TMOD1: variants seen among roughly 807,000 people sequenced by gnomAD.
The protein encoded by TMOD1 is tropomodulin 1.
In TMOD1, 17 loss-of-function variants were observed where a neutral mutation model predicts 40.6. That is an observed-to-expected ratio of 0.42 (90% CI 0.29 to 0.63). The LOEUF is 0.63. TMOD1 is among the 20% of genes least tolerant of loss of function. The probability of loss-of-function intolerance (pLI) is 0.22; values close to 1 mark genes in which losing one functional copy is unlikely to be tolerated. For synonymous variants in TMOD1, 181 were observed against 175.0 expected (o/e 1.03, Z -0.27); for missense variants, 391 against 447.6 (o/e 0.87, Z 1.14).
intron 9 of TMOD1, among the ~76,000 whole-genome samples, chr9:97,593,736 G>A (rs1033244645): frequency 1.3e-5 from 2 of 152,220 alleles, no homozygotes; most frequent in East Asian, 3.9e-4. Flanking sequence ...TGCTGGTTGG[G>A]GATGGGGCTT....
At chr9:97,595,531 T>G (rs1439923955) in intron 9 of TMOD1, among the ~76,000 whole-genome samples, 3 of 144,362 alleles carry the variant, frequency 2.1e-5, no homozygotes, top group South Asian at 2.2e-4. Context: ...TGAACAAATT[T>G]CCTTTTTTTT....
rs988858127 is a variant in TMOD1 at position 97,600,079 on chromosome 9, A to T, written c.*381A>T. On this transcript the variant is annotated 3_prime_UTR_variant, in exon 10 of 10. Coordinates refer to ENST00000259365, the MANE Select transcript of TMOD1 (RefSeq NM_003275.4). ...ACACAGAAACGGCACACTCTTCCAC[A>T]TGCTTTTGAAGTATTATAAAACACT... 9.7e-7 allele frequency: 1 copy of T among 1,035,222 alleles called. No individual in the cohort carries two copies. Among genetic ancestry groups the T allele is most frequent in the Non-Finnish European group, 1.2e-6 (1 of 857,684 alleles). 64.1% of individuals were successfully genotyped at this position (1,035,222 alleles called of 1,614,324 possible). A position where few individuals can be genotyped will look rare whatever the true frequency, so the allele number is the denominator to read the frequency against.
intron 9 of TMOD1, among the ~76,000 whole-genome samples, chr9:97,598,598 T>C (rs993994181): frequency 3.9e-5 from 6 of 152,170 alleles, no homozygotes; most frequent in Non-Finnish European, 7.3e-5. Context: ...TGGGTTTTGG[T>C]TTTTGTCCCC....
chr9:97,565,923 G>A lies in TMOD1; in HGVS notation c.694G>A (p.Val232Met), dbSNP rs149375557. Residue 232 changes from valine to methionine, a missense_variant, in exon 7 of 10, where the codon GTG becomes ATG. Val to Met is a conservative substitution (Grantham distance 21, BLOSUM62 1). Transcript: ENST00000259365. ...ENSYVKKFSI[V>M]GTRSNDPVAY... ...CTCATATGTGAAGAAGTTCAGCATC[G>A]TGGGGACACGGAGTAATGACCCCGT... 13 of 1,614,120 alleles carry A rather than the reference G, an allele frequency of 8.1e-6. No homozygotes were observed. Among genetic ancestry groups the A allele is most frequent in the Middle Eastern group, 1.6e-4 (1 of 6,084 alleles).
intron 8 of TMOD1, among the ~76,000 whole-genome samples, chr9:97,586,994 C>A (rs1425476842): frequency 2.0e-5 from 3 of 152,246 alleles, no homozygotes; most frequent in Non-Finnish European, 4.4e-5. Context: ...GAGCTGTAGA[C>A]CGGAGCTGTT....
intron 8 of TMOD1, among the ~76,000 whole-genome samples, chr9:97,576,628 A>AC (rs1213982756): frequency 7.7e-6 from 1 of 129,632 alleles, no homozygotes; most frequent in Non-Finnish European, 1.6e-5. Flanking sequence ...CATGATGGTT[A>AC]CTTTTTTTTT....
chr9:97,522,623 G>A (rs917219797), intron 1 of TMOD1, among the ~76,000 whole-genome samples: 11 of 152,004 alleles, frequency 7.2e-5, no homozygotes, highest in Admixed American at 2.0e-4. Context: ...ATGCAGTGGC[G>A]GGAACATGGC....
At chr9:97,509,492 T>A (rs187547133) in intron 1 of TMOD1, among the ~76,000 whole-genome samples, 3 of 150,396 alleles carry the variant, frequency 2.0e-5, no homozygotes, top group East Asian at 3.9e-4. Flanking sequence ...TTTTCTTCGC[T>A]AATAGAGGTT....
chr9:97,511,199 A>G lies in TMOD1; in HGVS notation c.-49+9396A>G, dbSNP rs562222180. ...GTGTTCTGGGATGAAGCTCATAGCAACTGCAGAAAGTGATGGAGTCAAACA... is the reference window on the plus strand; with the variant it reads ...GTGTTCTGGGATGAAGCTCATAGCAGCTGCAGAAAGTGATGGAGTCAAACA... On this transcript the variant is annotated intron_variant, in intron 1 of 9. Coordinates refer to ENST00000259365, the MANE Select transcript of TMOD1 (RefSeq NM_003275.4). Among the ~76,000 whole-genome samples, 3 of 152,302 alleles carry G rather than the reference A, an allele frequency of 2.0e-5. No homozygotes were observed. The South Asian group carries it at 6.2e-4, about 32-fold the overall frequency.
At chr9:97,579,488 C>G (rs895011218) in intron 8 of TMOD1, among the ~76,000 whole-genome samples, 1 of 152,090 alleles carries the variant, frequency 6.6e-6, no homozygotes, top group Non-Finnish European at 1.5e-5. Context: ...CTCTATGTTG[C>G]CTGCCCAGGT....
chr9:97,599,311 C>G (rs1314591010), intron 9 of TMOD1, among the ~76,000 whole-genome samples: 1 of 152,158 alleles, frequency 6.6e-6, no homozygotes, highest in African/African-American at 2.4e-5. Flanking sequence ...ACTTTTAACT[C>G]TTATCTGAAC....
At chr9:97,587,631 C>G (rs1298404218) in intron 8 of TMOD1, among the ~76,000 whole-genome samples, 2 of 152,002 alleles carry the variant, frequency 1.3e-5, no homozygotes, top group South Asian at 4.2e-4. Flanking sequence ...ACAATTCATC[C>G]TTTTAAAATT....
chr9:97,509,227 C>T (rs1829653009), intron 1 of TMOD1, among the ~76,000 whole-genome samples: 1 of 152,204 alleles, frequency 6.6e-6, no homozygotes, highest in Non-Finnish European at 1.5e-5. Flanking sequence ...ATAGTCTGCA[C>T]TTCTTCATCT....
chr9:97,510,548 T>G (rs942692936), intron 1 of TMOD1, among the ~76,000 whole-genome samples: 4 of 152,228 alleles, frequency 2.6e-5, no homozygotes, highest in Non-Finnish European at 5.9e-5. Flanking sequence ...TAGCTTTTAT[T>G]CTACAAGTGC....
At chr9:97,550,650 G>C (rs956364580) in intron 3 of TMOD1, among the ~76,000 whole-genome samples, 1 of 152,136 alleles carries the variant, frequency 6.6e-6, no homozygotes, top group African/African-American at 2.4e-5. Flanking sequence ...TCATGTGCTT[G>C]TTGGCCATAT....
rs1169212494 is a variant in TMOD1, at chr9:97,562,759, G to A, written c.425G>A (p.Ser142Asn). Residue 142 changes from serine (S) to asparagine (N), a missense_variant, in exon 5 of 10, where the codon AGT becomes AAT. Transcript: ENST00000259365. ...AAILGMHTLMSNQQYYQALSS... is the reference protein window; with the variant it reads ...AAILGMHTLMNNQQYYQALSS... ...ATCCTGGGCATGCACACGCTCATGA[G>A]TAACCAGCAGTACTACCAGGCCCTG... 6.3e-6 allele frequency: 10 copies of A among 1,575,420 alleles called. No homozygotes were observed. The highest frequency in any genetic ancestry group is 8.6e-6 in the Non-Finnish European group (10 of 1,165,052).
rs1830546912 is a variant in TMOD1 at position 97,557,006 on chromosome 9, A to T, written c.397+3606A>T. 6.6e-6 allele frequency among the ~76,000 whole-genome samples: 1 copy of T among 152,098 alleles called. No homozygotes were observed. Among genetic ancestry groups the T allele is most frequent in the African/African-American group, 2.4e-5 (1 of 41,410 alleles). On this transcript the variant is annotated intron_variant, in intron 4 of 9. Transcript: ENST00000259365. This position sits in a 1 kb window ranked among gnomAD's most constrained non-coding sequence, Gnocchi z 4.4. ...CTAACTCAGGTGTGACACGGGTGAG[A>T]TGCATCACTCATGTATTCACCTAAC...
intron 3 of TMOD1, among the ~76,000 whole-genome samples, chr9:97,552,142 T>C (rs1444651982): frequency 1.3e-5 from 2 of 152,260 alleles, no homozygotes; most frequent in African/African-American, 4.8e-5. Context: ...ATTTTACTTC[T>C]TCCTTTCCAG....
At chr9:97,579,254 C>T (rs6478281) in intron 8 of TMOD1, among the ~76,000 whole-genome samples, 2 of 152,172 alleles carry the variant, frequency 1.3e-5, no homozygotes, top group Non-Finnish European at 2.9e-5. Flanking sequence ...GACGTCGCCT[C>T]TATCCCTCCC....
Sources: gnomAD v4.1 joint callset for allele counts (sites outside exome capture counted in the v4.1 genomes callset) on GRCh38, gnomAD v4.1.1 for gene constraint, Gnocchi (gnomAD v3.1) non-coding constraint, MANE v1.5 for transcripts, NCBI Gene and HGNC (gene_info 2026-07-23, HGNC 2026-07-21) for gene names.